EXOC6B: variants seen among roughly 807,000 people sequenced by gnomAD.
EXOC6B encodes SEC15 homolog B.
A neutral mutation model predicts 113.5 loss-of-function variants in EXOC6B; 54 were observed. That is an observed-to-expected ratio of 0.48 (90% confidence interval 0.38 to 0.60). The LOEUF (loss-of-function observed/expected upper bound fraction) is 0.60. EXOC6B is among the 20% of genes least tolerant of loss of function. EXOC6B has a pLI of 0.00. For synonymous variants in EXOC6B, 357 were observed against 339.0 expected, an observed-to-expected ratio of 1.05 and a Z score of -0.58; for missense variants, 797 against 977.5, an observed-to-expected ratio of 0.82 and a Z score of 2.46.
chr2:72,248,431 A>G (rs570725797), intron 20 of EXOC6B, among the ~76,000 whole-genome samples: 3 of 152,118 alleles, frequency 2.0e-5, no homozygotes, highest in Non-Finnish European at 4.4e-5. Flanking sequence ...CTTTAGCTTA[A>G]ATTTATCCCA....
intron 1 of EXOC6B, among the ~76,000 whole-genome samples, chr2:72,786,114 G>A (rs892861883): frequency 5.3e-5 from 8 of 152,104 alleles, no homozygotes; most frequent in Non-Finnish European, 1.2e-4. Context: ...AAACAAGGAA[G>A]CAAGAAATGC....
chr2:72,515,214 A>G, intron 8 of EXOC6B, 88 bp from the exon 9 acceptor site: 1 of 1,240,860 alleles, frequency 8.1e-7, no homozygotes, highest in Non-Finnish European at 1.1e-6. Flanking sequence ...CAGGTCTGGA[A>G]TTTGAGGTAG....
intron 20 of EXOC6B, among the ~76,000 whole-genome samples, chr2:72,258,206 A>G (rs1426064306): frequency 6.6e-6 from 1 of 152,176 alleles, no homozygotes; most frequent in Non-Finnish European, 1.5e-5. Flanking sequence ...AAGCATGAAC[A>G]GTACCAAAGC....
chr2:72,694,014 A>G (rs1197223678), intron 6 of EXOC6B, among the ~76,000 whole-genome samples: 1 of 152,202 alleles, frequency 6.6e-6, no homozygotes, highest in African/African-American at 2.4e-5. Context: ...TGTTGTCTAC[A>G]TTGCTTTTGA....
Position 72,763,641 on chromosome 2 carries a change from C to T in EXOC6B, c.114-22172G>A, listed in dbSNP as rs760934650. On this transcript the variant is annotated intron_variant, in intron 1 of 21. Transcript: ENST00000272427. ...TTTTCACCATGTTGGCCAGGCTGGT[C>T]TTGAACTCCTACCTCAAACAATCTG... Among the ~76,000 whole-genome samples, 54 of 151,962 alleles carry T rather than the reference C, an allele frequency of 3.6e-4. 1 individual carries two copies. Among genetic ancestry groups the T allele is most frequent in the Admixed American group, 3.1e-3 (48 of 15,262 alleles).
intron 11 of EXOC6B, among the ~76,000 whole-genome samples, chr2:72,510,109 C>T (rs2105652070): frequency 6.6e-6 from 1 of 152,240 alleles, no homozygotes; most frequent in South Asian, 2.1e-4. Context: ...GCTGGAATTA[C>T]AGGAGTGAGC....
At chr2:72,427,844 C>T (rs1007541869) in intron 18 of EXOC6B, among the ~76,000 whole-genome samples, 5 of 152,284 alleles carry the variant, frequency 3.3e-5, no homozygotes, top group African/African-American at 1.2e-4. Flanking sequence ...CAGTCCTGCC[C>T]ATGGCCACCC....
In EXOC6B at chr2:72,783,589, T is replaced by G. The variant is rs760889177; in HGVS notation, c.114-42120A>C. On this transcript the variant is annotated intron_variant, in intron 1 of 21. Transcript: ENST00000272427. ...TGCCCACCTCAGCCTCCCAAAGTGCTGAGATTACAGGAGTGAGCCACCACA... is the reference window on the plus strand; with the variant it reads ...TGCCCACCTCAGCCTCCCAAAGTGCGGAGATTACAGGAGTGAGCCACCACA... 5.3e-5 allele frequency among the ~76,000 whole-genome samples: 8 copies of G among 152,080 alleles called. No individual in the cohort carries two copies. In the South Asian group the frequency reaches 8.3e-4, roughly 16 times the overall value.
At position 72,515,058 on chromosome 2, in the gene EXOC6B, T is replaced by C. The variant is rs200922200; in HGVS notation, c.984A>G (p.Gln328=). 2.9e-4 allele frequency: 462 copies of C among 1,605,828 alleles called. No homozygotes were observed. Among genetic ancestry groups the C allele is most frequent in the Non-Finnish European group, 3.6e-4 (428 of 1,176,276 alleles). ...GTAATCCTACCATGTTAGATGGAGGTTGAAGTACCAAACGAGCCTGTTTTC... is the reference window on the plus strand; with the variant it reads ...GTAATCCTACCATGTTAGATGGAGGCTGAAGTACCAAACGAGCCTGTTTTC... ...QRRKQARLVL[Q]PPSNMHETLD... is the part of the protein sequence containing the mutation. Residue 328 remains glutamine, a synonymous_variant, in exon 9 of 22, where the codon CAA becomes CAG. Coordinates refer to ENST00000272427, the MANE Select transcript of EXOC6B (RefSeq NM_015189.3).
intron 20 of EXOC6B, among the ~76,000 whole-genome samples, chr2:72,210,168 C>T (rs1191919404): frequency 6.6e-6 from 1 of 152,174 alleles, no homozygotes; most frequent in African/African-American, 2.4e-5. Flanking sequence ...GTTTTTTAGG[C>T]ATCTACTCAA....
chr2:72,275,595 C>T (rs1280697589), intron 20 of EXOC6B, among the ~76,000 whole-genome samples: 1 of 152,092 alleles, frequency 6.6e-6, no homozygotes, highest in Non-Finnish European at 1.5e-5. Context: ...CTTATTAGTG[C>T]TGCTCAATTA....
chr2:72,213,905 GT>G (rs1030136751), intron 20 of EXOC6B, among the ~76,000 whole-genome samples: 17 of 152,160 alleles, frequency 1.1e-4, no homozygotes, highest in African/African-American at 4.1e-4. Context: ...AATTTCTGTT[GT>G]TTCTAGGCTA....
chr2:72,597,505 C>A (rs2103975708), intron 6 of EXOC6B, among the ~76,000 whole-genome samples: 1 of 151,344 alleles, frequency 6.6e-6, no homozygotes, highest in South Asian at 2.1e-4. Flanking sequence ...CCATAAAAGG[C>A]AGGAAAAAAA....
At chr2:72,563,255 A>G (rs183627267) in intron 7 of EXOC6B, among the ~76,000 whole-genome samples, 29 of 152,258 alleles carry the variant, frequency 1.9e-4, no homozygotes, top group Admixed American at 1.4e-3. Context: ...ACACATTCAC[A>G]ATTAGAGATC....
At chr2:72,744,050 C>G (rs1159770702) in intron 1 of EXOC6B, among the ~76,000 whole-genome samples, 1 of 152,132 alleles carries the variant, frequency 6.6e-6, no homozygotes, top group African/African-American at 2.4e-5. Context: ...TATACAAATA[C>G]TTACCAGTAT....
chr2:72,183,248 T>C (rs1318348968), intron 21 of EXOC6B, among the ~76,000 whole-genome samples: 4 of 152,230 alleles, frequency 2.6e-5, no homozygotes, highest in Non-Finnish European at 4.4e-5. Flanking sequence ...TTCTTCCAAG[T>C]AGCTGGGGCT....
intron 17 of EXOC6B, among the ~76,000 whole-genome samples, chr2:72,474,478 T>A (rs1698614396): frequency 1.3e-5 from 2 of 152,046 alleles, no homozygotes; most frequent in Non-Finnish European, 1.5e-5. Context: ...TTTTTTCTTT[T>A]ATTTTATATA....
chr2:72,688,555 G>C (rs1041067858), intron 6 of EXOC6B, among the ~76,000 whole-genome samples: 1 of 152,024 alleles, frequency 6.6e-6, no homozygotes, highest in Non-Finnish European at 1.5e-5. Flanking sequence ...GCAGGGGCAG[G>C]GGGCAGGAGG....
chr2:72,666,445 C>T lies in EXOC6B; in HGVS notation c.669+51658G>A, dbSNP rs537515499. ...AAAAAATTAAATCACCCCACACACA[C>T]TCTCAGATCACAGAACTATAAGAAG... On this transcript the variant is annotated intron_variant, in intron 6 of 21. Coordinates refer to ENST00000272427, the MANE Select transcript of EXOC6B (RefSeq NM_015189.3). Among the ~76,000 whole-genome samples, 14 of 152,256 alleles carry T rather than the reference C, an allele frequency of 9.2e-5. No homozygotes were observed. In the South Asian group the frequency reaches 2.9e-3, roughly 32 times the overall value.
Sources: allele counts gnomAD v4.1 joint callset (sites outside exome capture counted in the v4.1 genomes callset), GRCh38; gene constraint gnomAD v4.1.1; transcripts MANE v1.5; gene names NCBI Gene and HGNC (gene_info 2026-07-23, HGNC 2026-07-21).